CTIF: variants seen among roughly 807,000 people sequenced by gnomAD.
CTIF encodes the protein cap binding complex dependent translation initiation factor.
Under a neutral mutation model 66.0 loss-of-function variants are expected in CTIF, and 21 were observed. The ratio of observed to expected loss-of-function variants is 0.32; its 90% CI spans 0.23 to 0.46. The LOEUF is 0.46. Ranked by LOEUF, CTIF falls within the 20% of genes least tolerant of loss-of-function variation. CTIF has a pLI of 1.00. For missense variants in CTIF, 739 were observed against 812.7 expected (o/e 0.91, Z 1.10); for synonymous variants, 345 against 326.4 (o/e 1.06, Z -0.62).
At chr18:48,771,750 C>T (rs1014120304) in intron 9 of CTIF, among the ~76,000 whole-genome samples, 4 of 152,240 alleles carry the variant, frequency 2.6e-5, no homozygotes, top group Non-Finnish European at 5.9e-5. Flanking sequence ...CCTCCTCCTC[C>T]TTCCCCGGAG....
intron 1 of CTIF, among the ~76,000 whole-genome samples, chr18:48,556,884 C>T (rs561866081): frequency 6.6e-6 from 1 of 152,296 alleles, no homozygotes; most frequent in South Asian, 2.1e-4. Context: ...GCATTGTGAC[C>T]TTAGGAGAGT....
intron 9 of CTIF, among the ~76,000 whole-genome samples, chr18:48,786,677 A>T (rs1479882584): frequency 6.6e-6 from 1 of 152,190 alleles, no homozygotes; most frequent in African/African-American, 2.4e-5. Flanking sequence ...GATAAGTTTA[A>T]GTCAATGTTT....
At chr18:48,774,128 A>C (rs1453849923) in intron 9 of CTIF, among the ~76,000 whole-genome samples, 1 of 152,118 alleles carries the variant, frequency 6.6e-6, no homozygotes, top group Non-Finnish European at 1.5e-5. Context: ...TTGCAGGGGC[A>C]GCCATCAGTG....
chr18:48,800,505 G>A (rs977476511), intron 9 of CTIF, among the ~76,000 whole-genome samples: 1 of 152,206 alleles, frequency 6.6e-6, no homozygotes, highest in African/African-American at 2.4e-5. Context: ...TGTCTGCAGA[G>A]ATACCTTCCC....
chr18:48,673,240 G>A (rs1255883699), intron 6 of CTIF, among the ~76,000 whole-genome samples: 1 of 152,218 alleles, frequency 6.6e-6, no homozygotes, highest in Non-Finnish European at 1.5e-5. Flanking sequence ...GTGCTCTAGA[G>A]TGAGTGCTGC....
chr18:48,832,711 T>C (rs2068719785), intron 10 of CTIF, among the ~76,000 whole-genome samples: 2 of 152,214 alleles, frequency 1.3e-5, no homozygotes, highest in Admixed American at 6.5e-5. Flanking sequence ...CTCAGAAGTA[T>C]TGAAACATGA....
At chr18:48,824,842 A>G (rs889474723) in intron 10 of CTIF, among the ~76,000 whole-genome samples, 6 of 152,118 alleles carry the variant, frequency 3.9e-5, no homozygotes, top group Non-Finnish European at 5.9e-5. Flanking sequence ...GGGTTTCGCC[A>G]TGTTGGCCAG....
chr18:48,546,557 G>A (rs999331785), intron 1 of CTIF, among the ~76,000 whole-genome samples: 12 of 151,420 alleles, frequency 7.9e-5, no homozygotes, highest in African/African-American at 2.9e-4. Context: ...CTCATGGAAT[G>A]TAAGGGAAAT....
rs1555710341 is a variant in CTIF at position 48,863,194 on chromosome 18, T to TAAC, written c.*3637_*3638insCAA. The stretch of plus-strand genomic sequence containing the variant: ...CAAACTACAAGTGGGTTTAAAAAAA[T>TAAC]AAACACCACCACCAAAAACAAAATG... On this transcript the variant is annotated 3_prime_UTR_variant, in exon 12 of 12. Coordinates refer to ENST00000256413, the MANE Select transcript of CTIF (RefSeq NM_014772.3). 2 of 151,656 alleles carry TAAC rather than the reference T, an allele frequency of 1.3e-5. No homozygotes were observed. Among genetic ancestry groups the TAAC allele is most frequent in the Admixed American group, 6.5e-5 (1 of 15,268 alleles). 9.4% of individuals were successfully genotyped at this position (151,656 alleles called of 1,614,324 possible). A position where few individuals can be genotyped will look rare whatever the true frequency, so the allele number is the denominator to read the frequency against.
chr18:48,758,159 G>A lies in CTIF; in HGVS notation c.825G>A (p.Met275Ile), dbSNP rs531198993. 1 of 1,614,046 alleles carries A rather than the reference G, an allele frequency of 6.2e-7. No homozygotes were observed. The highest frequency in any genetic ancestry group is 2.2e-5 in the East Asian group (1 of 44,862). The change falls in exon 8 of 12, where the codon ATG (methionine) becomes ATA (isoleucine). Residue 275 changes from methionine (M) to isoleucine (I), a missense_variant. Physicochemically the swap from Met to Ile is conservative, Grantham distance 10. Around this residue, in one of 2 missense-constraint regions of CTIF, gnomAD observed 529 missense variants for 520.3 expected, o/e 1.02. Coordinates refer to ENST00000256413, the MANE Select transcript of CTIF (RefSeq NM_014772.3). ...AGAHRNAKET[M>I]TIENPKLEDT... ...CACACCGCAATGCCAAAGAGACCAT[G>A]ACCATCGAGAACCCAAAACTGGAGG...
chr18:48,750,890 C>T (rs1033179761), intron 7 of CTIF, among the ~76,000 whole-genome samples: 8 of 152,250 alleles, frequency 5.3e-5, no homozygotes, highest in African/African-American at 1.9e-4. Flanking sequence ...GCCCTACACT[C>T]TCAGAACACT....
At chr18:48,664,321 C>T (rs1430531488) in intron 4 of CTIF, 126 bp from the exon 5 acceptor site, 2 of 796,752 alleles carry the variant, frequency 2.5e-6, no homozygotes, top group Non-Finnish European at 4.2e-6. Flanking sequence ...GTGGGGCTCC[C>T]CGCCTGGCCC....
At chr18:48,580,744 C>A (rs867372982) in intron 1 of CTIF, among the ~76,000 whole-genome samples, 1 of 152,326 alleles carries the variant, frequency 6.6e-6, no homozygotes, top group Middle Eastern at 3.4e-3. Context: ...AGGGCTCCTC[C>A]TCCCATCCTG....
chr18:48,758,224 C>T lies in CTIF; in HGVS notation c.890C>T (p.Pro297Leu), dbSNP rs1908596352. ...GDTGHSSLEA[P>L]RSPDTLAPVA... ...ACCGGGCACAGCAGCCTTGAGGCCC[C>T]CCGCAGCCCTGACACCCTGGCCCCG... The change falls in exon 8 of 12, where the codon CCC becomes CTC. Residue 297 changes from proline to leucine, a missense_variant. By Grantham distance (98) the Pro-to-Leu change is moderately conservative (BLOSUM62 -3). Transcript: ENST00000256413. 1.9e-6 allele frequency: 3 copies of T among 1,613,332 alleles called. No individual in the cohort carries two copies. The highest frequency in any genetic ancestry group is 1.3e-5 in the African/African-American group (1 of 74,878).
At chr18:48,810,629 T>C (rs989624508) in intron 9 of CTIF, among the ~76,000 whole-genome samples, 2 of 151,940 alleles carry the variant, frequency 1.3e-5, no homozygotes, top group African/African-American at 4.8e-5. Flanking sequence ...ACCTAAGTCA[T>C]TTGTTTTTTA....
At chr18:48,567,540 A>G (rs1697442810) in intron 1 of CTIF, 1 of 152,208 alleles carries the variant, frequency 6.6e-6, no homozygotes, top group Admixed American at 6.5e-5. Context: ...AGTAATTAGC[A>G]AATAAAACAA....
At chr18:48,680,893 G>A (rs1227502526) in intron 6 of CTIF, among the ~76,000 whole-genome samples, 2 of 152,232 alleles carry the variant, frequency 1.3e-5, no homozygotes, top group African/African-American at 4.8e-5. Flanking sequence ...GTGAGTTTAG[G>A]GGCGGAGAAG....
At chr18:48,661,947 C>G (rs2091353738) in intron 3 of CTIF, 1 of 152,236 alleles carries the variant, frequency 6.6e-6, no homozygotes, top group South Asian at 2.1e-4. Context: ...GAGCACTGAG[C>G]TTCCAGCTCT....
At chr18:48,745,203 C>T (rs2092586455) in intron 7 of CTIF, among the ~76,000 whole-genome samples, 1 of 152,102 alleles carries the variant, frequency 6.6e-6, no homozygotes, top group African/African-American at 2.4e-5. Flanking sequence ...TGTAGAAGGT[C>T]CCTCAGCGTC....
Sources: gnomAD v4.1 joint callset for allele counts (sites outside exome capture counted in the v4.1 genomes callset) on GRCh38, gnomAD v4.1.1 for gene constraint, gnomAD v4.1.1 regional missense constraint, MANE v1.5 for transcripts, NCBI Gene and HGNC (gene_info 2026-07-23, HGNC 2026-07-21) for gene names.